Variants in MITF observed in about 807,000 individuals in gnomAD.
MITF encodes the protein microphthalmia-associated transcription factor.
A neutral mutation model predicts 60.5 loss-of-function variants in MITF; 17 were observed. That is an observed-to-expected ratio of 0.28 (90% CI 0.19 to 0.42). The LOEUF (loss-of-function observed/expected upper bound fraction) is 0.42. MITF is among the 10% of genes least tolerant of loss of function. MITF has a pLI of 1.00. For synonymous variants in MITF, 260 were observed against 248.5 expected (o/e 1.05, Z -0.43); for missense variants, 622 against 683.5 (o/e 0.91, Z 1.00).
intron 1 of MITF, among the ~76,000 whole-genome samples, chr3:69,858,403 C>A (rs889837109): frequency 6.6e-6 from 1 of 152,030 alleles, no homozygotes; most frequent in African/African-American, 2.4e-5. Context: ...TTTTGAGATG[C>A]TTTAAAAGTT....
chr3:69,916,437 T>C (rs923239875), intron 2 of MITF, among the ~76,000 whole-genome samples: 1 of 152,212 alleles, frequency 6.6e-6, no homozygotes, highest in Admixed American at 6.5e-5. Flanking sequence ...ATAAAATTAG[T>C]ATACTTGATT....
chr3:69,936,566 A>T, intron 2 of MITF: 1 of 1,483,796 alleles, frequency 6.7e-7, no homozygotes, highest in East Asian at 2.5e-5. Context: ...GGTTATTATA[A>T]GCAGGGCTTC....
At chr3:69,937,465 T>C (rs1268494063) in intron 2 of MITF, among the ~76,000 whole-genome samples, 17 of 152,058 alleles carry the variant, frequency 1.1e-4, no homozygotes, top group Admixed American at 2.6e-4. Context: ...ATGCCACTTC[T>C]ACATTGTTGT....
intron 1 of MITF, among the ~76,000 whole-genome samples, chr3:69,767,999 G>A (rs933581358): frequency 1.3e-5 from 2 of 152,200 alleles, no homozygotes; most frequent in African/African-American, 2.4e-5. Context: ...TGACAATAAA[G>A]TGACTGCTTG....
intron 1 of MITF, among the ~76,000 whole-genome samples, chr3:69,740,595 G>T (rs1398313733): frequency 6.6e-6 from 1 of 152,122 alleles, no homozygotes; most frequent in Non-Finnish European, 1.5e-5. Flanking sequence ...AATGGATTGG[G>T]TGTCTTCCGT....
intron 1 of MITF, among the ~76,000 whole-genome samples, chr3:69,855,656 TG>T (rs1052293634): frequency 1.3e-5 from 2 of 152,046 alleles, no homozygotes; most frequent in Non-Finnish European, 2.9e-5. Flanking sequence ...TAGCTAATAC[TG>T]GGGGAAAAAT....
At chr3:69,763,432 A>G in intron 1 of MITF, 2 of 745,624 alleles carry the variant, frequency 2.7e-6, no homozygotes, top group Non-Finnish European at 3.4e-6. Context: ...TTTTATGATT[A>G]CCATCTAGCA....
intron 6 of MITF, among the ~76,000 whole-genome samples, chr3:69,950,009 A>G (rs1233606392): frequency 6.6e-6 from 1 of 152,164 alleles, no homozygotes; most frequent in Non-Finnish European, 1.5e-5. Context: ...CAGGAGAAAG[A>G]TGTTTTTTAA....
intron 1 of MITF, among the ~76,000 whole-genome samples, chr3:69,830,519 G>T (rs6805924): frequency 0.33 from 50,613 of 152,002 alleles, 9,530 homozygotes; most frequent in Non-Finnish European, 0.43. Flanking sequence ...CTGGCTTATT[G>T]TTAACCCTGG....
At chr3:69,920,926 G>C (rs976474888) in intron 2 of MITF, among the ~76,000 whole-genome samples, 1 of 152,182 alleles carries the variant, frequency 6.6e-6, no homozygotes, top group Non-Finnish European at 1.5e-5. Flanking sequence ...GGAGTGCAGT[G>C]GCTCGACCTC....
At chr3:69,771,262 T>C (rs1034211281) in intron 1 of MITF, among the ~76,000 whole-genome samples, 6 of 151,878 alleles carry the variant, frequency 4.0e-5, no homozygotes, top group African/African-American at 1.2e-4. Context: ...TTTTTTTTTT[T>C]CCTGAAATGA....
intron 1 of MITF, among the ~76,000 whole-genome samples, chr3:69,745,562 A>T (rs759563928): frequency 9.2e-5 from 14 of 152,228 alleles, no homozygotes; most frequent in Non-Finnish European, 1.9e-4. Flanking sequence ...GTAAAATGTT[A>T]GACATCTTGG....
chr3:69,867,436 C>A (rs981167061), intron 1 of MITF, among the ~76,000 whole-genome samples: 2 of 152,072 alleles, frequency 1.3e-5, no homozygotes, highest in African/African-American at 4.8e-5. Flanking sequence ...AAAATGATTT[C>A]TAACTTCTTG....
chr3:69,778,661 A>T (rs2062514689), intron 1 of MITF, among the ~76,000 whole-genome samples: 1 of 152,224 alleles, frequency 6.6e-6, no homozygotes, highest in African/African-American at 2.4e-5. Context: ...ATGATTTCTT[A>T]TTAACATATA....
intron 1 of MITF, among the ~76,000 whole-genome samples, chr3:69,754,249 C>T (rs1704045662): frequency 6.6e-6 from 1 of 151,566 alleles, no homozygotes. Context: ...CAGAGTCTCA[C>T]TCTGTCACCC....
intron 1 of MITF, among the ~76,000 whole-genome samples, chr3:69,772,645 A>G (rs945037231): frequency 4.6e-5 from 7 of 152,182 alleles, no homozygotes; most frequent in African/African-American, 1.4e-4. Context: ...ACTGACTTCC[A>G]TGCGGAGTAT....
chr3:69,950,259 C>T (rs965066420), intron 6 of MITF, among the ~76,000 whole-genome samples: 2 of 151,836 alleles, frequency 1.3e-5, no homozygotes, highest in African/African-American at 4.8e-5. Context: ...CACACCACTG[C>T]ACTCCAGCCT....
chr3:69,771,173 A>AG (rs2062387940), intron 1 of MITF, among the ~76,000 whole-genome samples: 1 of 151,946 alleles, frequency 6.6e-6, no homozygotes, highest in Non-Finnish European at 1.5e-5. Flanking sequence ...AGACAGCCAG[A>AG]GAGACTTGGG....
chr3:69,840,213 G>T (rs2063610400), intron 1 of MITF, among the ~76,000 whole-genome samples: 1 of 152,118 alleles, frequency 6.6e-6, no homozygotes, highest in Non-Finnish European at 1.5e-5. Flanking sequence ...GATCTTCTTT[G>T]GTAGAAATGT....
Sources: gnomAD v4.1 joint callset for allele counts (sites outside exome capture counted in the v4.1 genomes callset) on GRCh38, gnomAD v4.1.1 for gene constraint, MANE v1.5 for transcripts, NCBI Gene and HGNC (gene_info 2026-07-23, HGNC 2026-07-21) for gene names.